The following KLF8 variants were observed in gnomAD, a reference collection of about 807,000 sequenced individuals.
KLF8 encodes the protein KLF transcription factor 8, also known as Krueppel-like factor 8.
KLF8 carries 10 observed loss-of-function variants against 18.2 expected under a neutral mutation model. That is an observed-to-expected ratio of 0.55 (90% CI 0.34 to 0.93). The LOEUF is 0.93. Among genes scored for constraint, KLF8 ranks in the 40% least tolerant of loss-of-function variants. The pLI is 0.02. For synonymous variants in KLF8, 109 were observed against 97.3 expected (o/e 1.12, Z -0.71); for missense variants, 264 against 277.9 (o/e 0.95, Z 0.36).
intron 1 of KLF8, among the ~76,000 whole-genome samples, chrX:56,244,939 A>G (rs2066603330): frequency 1.8e-5 from 2 of 112,168 alleles, no homozygotes; most frequent in Non-Finnish European, 3.8e-5. Context: ...TTTTTCAGAA[A>G]GAAGGTGCTC....
chrX:56,186,856 C>A, the KLF8 span, among the ~76,000 whole-genome samples: 2 of 112,010 alleles, frequency 1.8e-5, no homozygotes, highest in African/African-American at 6.5e-5. Context: ...ATACCAGAAT[C>A]TCTGGGCATA....
chrX:56,018,654 T>C, the KLF8 span, among the ~76,000 whole-genome samples: 1 of 111,170 alleles, frequency 9.0e-6, no homozygotes, highest in South Asian at 3.7e-4. Context: ...TACATATTAT[T>C]ATATAATATA....
the KLF8 span, among the ~76,000 whole-genome samples, chrX:56,128,690 C>T: frequency 8.9e-6 from 1 of 111,746 alleles, no homozygotes; most frequent in African/African-American, 3.3e-5. Flanking sequence ...TCAGATACTC[C>T]CATGTAATGT....
the KLF8 span, among the ~76,000 whole-genome samples, chrX:56,008,509 G>A: frequency 8.9e-6 from 1 of 112,049 alleles, no homozygotes; most frequent in Non-Finnish European, 1.9e-5. Flanking sequence ...TTCCTTCCAC[G>A]GATTTGTGCA....
the KLF8 span, among the ~76,000 whole-genome samples, chrX:56,090,400 C>G: frequency 9.0e-6 from 1 of 111,348 alleles, no homozygotes; most frequent in African/African-American, 3.3e-5. Flanking sequence ...AGGTAAAAGA[C>G]AAAACATGCA....
chrX:56,062,826 A>G, the KLF8 span, among the ~76,000 whole-genome samples: 4 of 110,933 alleles, frequency 3.6e-5, no homozygotes, highest in Non-Finnish European at 7.6e-5. Context: ...TGGTCTTTTC[A>G]CACAGTCCCA....
At chrX:56,050,130 T>C in the KLF8 span, among the ~76,000 whole-genome samples, 5 of 110,404 alleles carry the variant, frequency 4.5e-5, no homozygotes, top group Non-Finnish European at 9.5e-5. Context: ...TTATCATTTT[T>C]TATTGCGTCT....
At chrX:56,167,924 A>T in the KLF8 span, among the ~76,000 whole-genome samples, 2 of 111,697 alleles carry the variant, frequency 1.8e-5, no homozygotes, top group Non-Finnish European at 3.8e-5. Context: ...TTTCCATCCC[A>T]TATTCAGATA....
chrX:56,052,028 A>G, the KLF8 span, among the ~76,000 whole-genome samples: 1 of 110,676 alleles, frequency 9.0e-6, no homozygotes, highest in Non-Finnish European at 1.9e-5. Context: ...TTCATCTTCC[A>G]TTGCTGATAC....
chrX:56,045,315 T>G, the KLF8 span, among the ~76,000 whole-genome samples: 7 of 112,274 alleles, frequency 6.2e-5, no homozygotes, highest in South Asian at 2.6e-3. Flanking sequence ...TAGTATAGTT[T>G]GAAGTTTGGT....
chrX:55,956,792 A>T, the KLF8 span, among the ~76,000 whole-genome samples: 1 of 111,810 alleles, frequency 8.9e-6, no homozygotes, highest in African/African-American at 3.3e-5. Flanking sequence ...TGGATTCTGA[A>T]TATTAACCTT....
chrX:55,948,874 C>T, the KLF8 span, among the ~76,000 whole-genome samples: 1 of 112,308 alleles, frequency 8.9e-6, no homozygotes, highest in African/African-American at 3.2e-5. Context: ...TGAGTTCTTA[C>T]ATGTAAAATA....
At chrX:56,123,265 G>GAA in the KLF8 span, among the ~76,000 whole-genome samples, 122 of 70,873 alleles carry the variant, frequency 1.7e-3, 2 homozygotes, top group Non-Finnish European at 1.9e-3. Flanking sequence ...AAGAAAGAAA[G>GAA]AAAGAAAAAG....
chrX:55,976,639 A>G, the KLF8 span, among the ~76,000 whole-genome samples: 8 of 110,495 alleles, frequency 7.2e-5, no homozygotes, highest in African/African-American at 2.6e-4. Context: ...GTGGTTTCAT[A>G]TGAACTTTAG....
the KLF8 span, among the ~76,000 whole-genome samples, chrX:56,137,350 C>A: frequency 9.4e-6 from 1 of 106,601 alleles, no homozygotes; most frequent in East Asian, 2.9e-4. Context: ...GACTTGGAAC[C>A]AACCCAAATG....
At chrX:56,144,429 G>T in the KLF8 span, among the ~76,000 whole-genome samples, 1 of 110,175 alleles carries the variant, frequency 9.1e-6, no homozygotes, top group Non-Finnish European at 1.9e-5. Flanking sequence ...TACCTGATAA[G>T]GATCTAGTAT....
chrX:56,175,033 CCTTCAAAAAATCAGCTCCTGGATTCATT>C, the KLF8 span, among the ~76,000 whole-genome samples: 26 of 109,773 alleles, frequency 2.4e-4, no homozygotes, highest in Middle Eastern at 4.8e-3. Context: ...TTTGGTGATC[CCTTCAAAAAATCAGCTCCTGGATTCATT>C]GATTTTTTGA....
At chrX:56,267,027 A>G (rs900905104) in intron 3 of KLF8, 107 of 752,649 alleles carry the variant, frequency 1.4e-4, no homozygotes, top group Non-Finnish European at 1.6e-4. Context: ...AAAAAAGGAA[A>G]CAAACAAAAA....
the KLF8 span, among the ~76,000 whole-genome samples, chrX:56,012,784 C>T: frequency 9.0e-6 from 1 of 110,816 alleles, no homozygotes; most frequent in Admixed American, 9.6e-5. Flanking sequence ...CCATACTGCC[C>T]AAAGTAATTT....
Sources: allele counts gnomAD v4.1 joint callset (sites outside exome capture counted in the v4.1 genomes callset), GRCh38; gene constraint gnomAD v4.1.1; transcripts MANE v1.5; gene names NCBI Gene and HGNC (gene_info 2026-07-23, HGNC 2026-07-21).